The following AKAP6 variants were observed in gnomAD, a reference collection of about 807,000 sequenced individuals.
AKAP6 encodes the protein A-kinase anchoring protein 6.
AKAP6 carries 58 observed loss-of-function variants against 188.5 expected under a neutral mutation model. The observed-to-expected ratio is 0.31, with a 90% CI of 0.25 to 0.38. The LOEUF (loss-of-function observed/expected upper bound fraction) is 0.38. Among genes scored for constraint, AKAP6 ranks in the 10% least tolerant of loss-of-function variants. AKAP6 has a pLI of 1.00. For missense variants in AKAP6, 2,710 were observed against 2,740.0 expected (o/e 0.99, Z 0.24); for synonymous variants, 989 against 998.6 (o/e 0.99, Z 0.18).
intron 7 of AKAP6, among the ~76,000 whole-genome samples, chr14:32,638,538 A>C (rs1887615541): frequency 1.3e-5 from 2 of 152,114 alleles, no homozygotes; most frequent in Admixed American, 6.6e-5. Context: ...TGAAACCTTA[A>C]AAAATTGTTT....
intron 12 of AKAP6, among the ~76,000 whole-genome samples, chr14:32,776,401 A>C (rs187334339): frequency 8.5e-5 from 13 of 152,278 alleles, no homozygotes; most frequent in Non-Finnish European, 1.8e-4. Context: ...GTCTGCTGCC[A>C]TGTAAGATGT....
intron 7 of AKAP6, 61 bp downstream of exon 7, chr14:32,600,853 C>T: frequency 7.4e-6 from 11 of 1,483,512 alleles, no homozygotes; most frequent in South Asian, 2.9e-5. Context: ...AACTAGGCAC[C>T]ACTGAAGTTT....
intron 7 of AKAP6, 101 bp downstream of exon 7, chr14:32,600,893 A>G: frequency 9.0e-7 from 1 of 1,108,620 alleles, no homozygotes. Context: ...TTTTGTTTCT[A>G]CTGGGTAAAC....
intron 1 of AKAP6, among the ~76,000 whole-genome samples, chr14:32,397,359 C>G (rs1416925963): frequency 2.0e-5 from 3 of 149,882 alleles, no homozygotes; most frequent in Non-Finnish European, 4.4e-5. Flanking sequence ...CAGAAGTTAT[C>G]AAAACACTTT....
At chr14:32,404,691 G>GATAGATAGATATAT in intron 1 of AKAP6, among the ~76,000 whole-genome samples, 1 of 44,436 alleles carries the variant, frequency 2.3e-5, no homozygotes, top group African/African-American at 7.2e-5. Context: ...GGAGTCAGGA[G>GATAGATAGATATAT]ATATATATAT....
intron 2 of AKAP6, among the ~76,000 whole-genome samples, chr14:32,480,007 G>A (rs116929095): frequency 6.6e-6 from 1 of 152,258 alleles, no homozygotes; most frequent in East Asian, 1.9e-4. Context: ...GCCCTGTGGG[G>A]CTGATTTAGG....
At chr14:32,777,690 C>G (rs1208661436) in intron 12 of AKAP6, among the ~76,000 whole-genome samples, 1 of 152,134 alleles carries the variant, frequency 6.6e-6, no homozygotes. Flanking sequence ...TCAGTGAGCT[C>G]TGAGGTATCT....
chr14:32,340,285 CT>C (rs1386184483), intron 1 of AKAP6, among the ~76,000 whole-genome samples: 10 of 151,404 alleles, frequency 6.6e-5, no homozygotes, highest in African/African-American at 2.2e-4. Context: ...AAAATTATAC[CT>C]CATGAAAATT....
At chr14:32,330,270 A>G (rs1886490986) in intron 1 of AKAP6, among the ~76,000 whole-genome samples, 1 of 152,100 alleles carries the variant, frequency 6.6e-6, no homozygotes, top group South Asian at 2.1e-4. Flanking sequence ...GGTTGTAGGG[A>G]TTACAGACCT....
chr14:32,461,996 C>G (rs1159658283), intron 2 of AKAP6, among the ~76,000 whole-genome samples: 3 of 151,622 alleles, frequency 2.0e-5, no homozygotes, highest in Non-Finnish European at 2.9e-5. Context: ...TGAAGATCAA[C>G]TTACTGAATA....
intron 9 of AKAP6, among the ~76,000 whole-genome samples, chr14:32,703,412 C>G (rs1890694039): frequency 6.6e-6 from 1 of 152,166 alleles, no homozygotes; most frequent in African/African-American, 2.4e-5. Context: ...AAAGGAGTTT[C>G]CTTGGCAACA....
At chr14:32,584,652 A>G (rs1296536878) in intron 5 of AKAP6, among the ~76,000 whole-genome samples, 1 of 151,822 alleles carries the variant, frequency 6.6e-6, no homozygotes, top group Non-Finnish European at 1.5e-5. Flanking sequence ...CCTGGCCTCT[A>G]CTCCATCCCT....
At chr14:32,825,690 A>G (rs2034655868) in intron 13 of AKAP6, among the ~76,000 whole-genome samples, 1 of 152,178 alleles carries the variant, frequency 6.6e-6, no homozygotes, top group Admixed American at 6.6e-5. Context: ...ATGCTTTCTC[A>G]ATCAAGTTTA....
rs1415335147 is a variant in AKAP6, at chr14:32,786,864, G to A, written c.3588+12971G>A. 2.0e-5 allele frequency among the ~76,000 whole-genome samples: 3 copies of A among 151,944 alleles called. No individual in the cohort carries two copies. In the East Asian group the frequency reaches 5.8e-4, roughly 29 times the overall value. On this transcript the variant is annotated intron_variant, in intron 12 of 13. Coordinates refer to ENST00000280979, the MANE Select transcript of AKAP6 (RefSeq NM_004274.5). ...GCTTTTGAATCCTTTGTGAATTTAG[G>A]GTTTTAAGTTTTTATTCTTTGTACA...
chr14:32,385,395 A>G (rs1168416384), intron 1 of AKAP6, among the ~76,000 whole-genome samples: 1 of 105,964 alleles, frequency 9.4e-6, no homozygotes, highest in African/African-American at 3.3e-5. Flanking sequence ...TCTGTTTTTT[A>G]TTTTTATTTC....
intron 2 of AKAP6, among the ~76,000 whole-genome samples, chr14:32,530,477 C>A (rs1036392082): frequency 6.6e-6 from 1 of 152,080 alleles, no homozygotes. Flanking sequence ...CTTCCAGATG[C>A]ACATGGAGCC....
intron 1 of AKAP6, among the ~76,000 whole-genome samples, chr14:32,363,833 A>G (rs1471933431): frequency 6.6e-6 from 1 of 152,234 alleles, no homozygotes; most frequent in Non-Finnish European, 1.5e-5. Context: ...AGTTGACAAT[A>G]TTAACCATCA....
At chr14:32,724,027 C>A (rs923686989) in intron 9 of AKAP6, among the ~76,000 whole-genome samples, 26 of 151,986 alleles carry the variant, frequency 1.7e-4, no homozygotes, top group African/African-American at 5.8e-4. Context: ...GTATTTACAC[C>A]AGGGAAATCA....
rs144134882 is a variant in AKAP6 at position 32,439,244 on chromosome 14, G to T, written c.324+5427G>T. On this transcript the variant is annotated intron_variant, in intron 2 of 13. Transcript: ENST00000280979. ...CACATGGGGTCTGGAGGGCCTACTG[G>T]GAAAAAGGATTGAATCCTCTCCACA... is the stretch of plus-strand genomic sequence containing the variant. 2.8e-3 allele frequency among the ~76,000 whole-genome samples: 428 copies of T among 152,246 alleles called. 1 individual carries two copies. Among genetic ancestry groups the T allele is most frequent in the African/African-American group, 9.0e-3 (374 of 41,558 alleles).
Sources: allele counts gnomAD v4.1 joint callset (sites outside exome capture counted in the v4.1 genomes callset), GRCh38; gene constraint gnomAD v4.1.1; transcripts MANE v1.5; gene names NCBI Gene and HGNC (gene_info 2026-07-23, HGNC 2026-07-21).